Variants in FLRT1 observed in about 807,000 individuals in gnomAD.
The protein encoded by FLRT1 is fibronectin leucine rich transmembrane protein 1.
A neutral mutation model predicts 30.9 loss-of-function variants in FLRT1; 14 were observed. That is an observed-to-expected ratio of 0.45 (90% CI 0.30 to 0.71). FLRT1 has a LOEUF of 0.71. Ranked by LOEUF, FLRT1 falls within the 30% of genes least tolerant of loss-of-function variation. The pLI, the probability that FLRT1 is intolerant of heterozygous loss-of-function variation, is 0.08. For missense variants in FLRT1, 737 were observed against 949.2 expected, an observed-to-expected ratio of 0.78 and a Z score of 2.94; for synonymous variants, 368 against 430.4, an observed-to-expected ratio of 0.85 and a Z score of 1.80.
intron 1 of FLRT1, among the ~76,000 whole-genome samples, chr11:64,047,111 C>T (rs1943598700): frequency 6.6e-6 from 1 of 152,096 alleles, no homozygotes; most frequent in African/African-American, 2.4e-5. Flanking sequence ...GAAGGCCACC[C>T]TCACTCCCCG....
intron 1 of FLRT1, among the ~76,000 whole-genome samples, chr11:64,092,873 C>A (rs1390439240): frequency 1.3e-5 from 2 of 152,262 alleles, no homozygotes; most frequent in African/African-American, 4.8e-5. Context: ...CAATGGGTAA[C>A]CGCTGGAGTG....
At chr11:64,054,853 T>C (rs1179394787) in intron 1 of FLRT1, among the ~76,000 whole-genome samples, 1 of 152,022 alleles carries the variant, frequency 6.6e-6, no homozygotes, top group Non-Finnish European at 1.5e-5. Context: ...AGCCAGCTTT[T>C]AAGGGAATTC....
At chr11:64,055,395 CGAT>C (rs1565211846) in intron 1 of FLRT1, among the ~76,000 whole-genome samples, 1 of 152,208 alleles carries the variant, frequency 6.6e-6, no homozygotes, top group African/African-American at 2.4e-5. Context: ...TCACAAGAAA[CGAT>C]GGGGGATGGG....
intron 1 of FLRT1, chr11:64,060,591 C>G (rs1018815533): frequency 1.3e-5 from 2 of 152,208 alleles, no homozygotes; most frequent in African/African-American, 4.8e-5. Flanking sequence ...CTCCCATGCG[C>G]GCACAGCCTG....
At chr11:64,050,238 CCCA>C (rs1321890479) in intron 1 of FLRT1, among the ~76,000 whole-genome samples, 1 of 152,148 alleles carries the variant, frequency 6.6e-6, no homozygotes, top group African/African-American at 2.4e-5. Context: ...ATGACCCATC[CCCA>C]CAAGAGGAGG....
At chr11:64,062,676 G>A (rs1202295727) in intron 1 of FLRT1, among the ~76,000 whole-genome samples, 3 of 152,216 alleles carry the variant, frequency 2.0e-5, no homozygotes, top group Admixed American at 6.5e-5. Flanking sequence ...GGTTTCTCAG[G>A]GAAGCCAGAG....
In FLRT1 at chr11:64,041,053, CTG is replaced by C. The variant is rs1056412119; in HGVS notation, c.-1038+4895_-1038+4896del. Among the ~76,000 whole-genome samples, 11 of 151,912 alleles carry C rather than the reference CTG, an allele frequency of 7.2e-5. 1 individual carries two copies. Among genetic ancestry groups the C allele is most frequent in the South Asian group, 2.1e-4 (1 of 4,816 alleles). On this transcript the variant is annotated intron_variant, in intron 1 of 2. Coordinates refer to ENST00000682287, the MANE Select transcript of FLRT1 (RefSeq NM_013280.5). ...TACTTAATTAAAACTGGGATTAAAA[CTG>C]GGGTCACGGGGCGCTAGTCCTGGCC...
At position 64,067,740 on chromosome 11, in the gene FLRT1, AC is replaced by A. The variant is rs1448765193; in HGVS notation, c.-1038+31586del. On this transcript the variant is annotated intron_variant, in intron 1 of 2. Coordinates refer to ENST00000682287, the MANE Select transcript of FLRT1 (RefSeq NM_013280.5). The surrounding 1 kb of genome is among the most constrained non-coding windows in gnomAD (Gnocchi z 4.6). ...CCCTCGCGAGGCACCGCAGGCTGCC[AC>A]CCCCAGCTTGTGAACTGGGGGTGGC... 6.6e-6 allele frequency among the ~76,000 whole-genome samples: 1 copy of A among 151,898 alleles called. No individual in the cohort carries two copies. The highest frequency in any genetic ancestry group is 1.5e-5 in the Non-Finnish European group (1 of 67,958).
At position 64,116,525 on chromosome 11, in the gene FLRT1, C is replaced by T. The variant is rs765820481; in HGVS notation, c.258C>T (p.Leu86=). 55 of 1,613,958 alleles carry T rather than the reference C, an allele frequency of 3.4e-5. No homozygotes were observed. Among genetic ancestry groups the T allele is most frequent in the Non-Finnish European group, 4.1e-5 (48 of 1,179,994 alleles). The change falls in exon 3 of 3, where the codon CTC becomes CTT. Residue 86 remains leucine, a synonymous_variant. Coordinates refer to ENST00000682287, the MANE Select transcript of FLRT1 (RefSeq NM_013280.5). Reference sequence around the variant, plus strand: ...ATATCCCTGATGATGCCACCACCCTCTACCTGCAGAACAACCAGATCAACA... The same window carrying T: ...ATATCCCTGATGATGCCACCACCCTTTACCTGCAGAACAACCAGATCAACA... ...PADIPDDATT[L]YLQNNQINNA...
At chr11:64,110,101 A>C (rs1944833849) in intron 2 of FLRT1, among the ~76,000 whole-genome samples, 1 of 152,148 alleles carries the variant, frequency 6.6e-6, no homozygotes, top group Non-Finnish European at 1.5e-5. Context: ...TATTATGACC[A>C]CATTTATAGA....
intron 1 of FLRT1, among the ~76,000 whole-genome samples, chr11:64,095,571 A>C (rs889685305): frequency 4.6e-5 from 7 of 152,152 alleles, no homozygotes; most frequent in African/African-American, 1.7e-4. Context: ...GTGGGAGGGA[A>C]GTAGAGAACT....
chr11:64,095,257 C>T (rs1230851186), intron 1 of FLRT1, among the ~76,000 whole-genome samples: 1 of 152,162 alleles, frequency 6.6e-6, no homozygotes, highest in Non-Finnish European at 1.5e-5. Flanking sequence ...CTCAGGCGCA[C>T]TTTAAGTTCT....
chr11:64,058,708 G>A (rs986479453), intron 1 of FLRT1, among the ~76,000 whole-genome samples: 5 of 152,254 alleles, frequency 3.3e-5, no homozygotes, highest in Non-Finnish European at 7.3e-5. Context: ...CCTGCTCCCT[G>A]GCCAGCGATG....
intron 1 of FLRT1, among the ~76,000 whole-genome samples, chr11:64,053,208 G>C (rs1326078562): frequency 1.3e-5 from 2 of 152,186 alleles, no homozygotes; most frequent in Non-Finnish European, 2.9e-5. Flanking sequence ...CTGGGGAGCA[G>C]GGTGGGGTGA....
At position 64,064,735 on chromosome 11, in the gene FLRT1, A is replaced by G. The variant is rs1943965592; in HGVS notation, c.-1038+28576A>G. Among the ~76,000 whole-genome samples, 1 of 150,964 alleles carries G rather than the reference A, an allele frequency of 6.6e-6. No individual in the cohort carries two copies. The highest frequency in any genetic ancestry group is 1.5e-5 in the Non-Finnish European group (1 of 67,602). Reference sequence around the variant, plus strand: ...CCTCTCCCCTCCCTGCCAGCCCCCCAGCAGGCAGCCAGGCCTGGACCCACC... The same window carrying G: ...CCTCTCCCCTCCCTGCCAGCCCCCCGGCAGGCAGCCAGGCCTGGACCCACC... On this transcript the variant is annotated intron_variant, in intron 1 of 2. Transcript: ENST00000682287. The surrounding 1 kb of genome is among the most constrained non-coding windows in gnomAD (Gnocchi z 4.5).
At chr11:64,038,608 T>A (rs1165622677) in intron 1 of FLRT1, among the ~76,000 whole-genome samples, 2 of 152,128 alleles carry the variant, frequency 1.3e-5, no homozygotes, top group East Asian at 3.9e-4. Context: ...CTCTGCCCAG[T>A]CATGGGGCTA....
chr11:64,057,521 C>G (rs1303552179), intron 1 of FLRT1, among the ~76,000 whole-genome samples: 1 of 152,230 alleles, frequency 6.6e-6, no homozygotes, highest in Non-Finnish European at 1.5e-5. Context: ...CCCAGCTCTC[C>G]AGGCCAAACA....
In FLRT1 at chr11:64,096,657, TCCG is replaced by T. The variant is rs1201722759; in HGVS notation, c.-1037-6534_-1037-6532del. 1.3e-5 allele frequency among the ~76,000 whole-genome samples: 2 copies of T among 152,158 alleles called. No homozygotes were observed. The highest frequency in any genetic ancestry group is 3.9e-4 in the East Asian group (2 of 5,190). On this transcript the variant is annotated intron_variant, in intron 1 of 2. Coordinates refer to ENST00000682287, the MANE Select transcript of FLRT1 (RefSeq NM_013280.5). The surrounding 1 kb of genome is among the most constrained non-coding windows in gnomAD (Gnocchi z 4.6). The stretch of plus-strand genomic sequence containing the variant: ...GTCTCGAACTCCTGACCTCAAGTTA[TCCG>T]CCTGCCTCAGCCTCCCAAAGTGCTG...
intron 2 of FLRT1, among the ~76,000 whole-genome samples, chr11:64,107,344 C>A (rs1002766686): frequency 6.6e-6 from 1 of 152,108 alleles, no homozygotes; most frequent in Non-Finnish European, 1.5e-5. Context: ...TTCATCCCCC[C>A]ACCCCCTCCT....
Sources: allele counts gnomAD v4.1 joint callset (sites outside exome capture counted in the v4.1 genomes callset), GRCh38; gene constraint gnomAD v4.1.1; non-coding constraint Gnocchi (gnomAD v3.1); transcripts MANE v1.5; gene names NCBI Gene and HGNC (gene_info 2026-07-23, HGNC 2026-07-21).